UBE3B: variants seen among roughly 807,000 people sequenced by gnomAD.
UBE3B encodes ubiquitin-protein ligase E3B.
UBE3B carries 80 observed loss-of-function variants against 132.3 expected under a neutral mutation model. The ratio of observed to expected loss-of-function variants is 0.60; its 90% CI spans 0.50 to 0.73. The LOEUF is 0.73. Among genes scored for constraint, UBE3B ranks in the 30% least tolerant of loss-of-function variants. The probability of loss-of-function intolerance (pLI) is 0.00; values close to 1 mark genes in which losing one functional copy is unlikely to be tolerated. For synonymous variants in UBE3B, 487 were observed against 520.4 expected (o/e 0.94, Z 0.87); for missense variants, 1,196 against 1,362.5 (o/e 0.88, Z 1.92).
At chr12:109,479,010 C>G (rs577175530) in intron 1 of UBE3B, among the ~76,000 whole-genome samples, 206 of 152,264 alleles carry the variant, frequency 1.4e-3, no homozygotes, top group African/African-American at 4.8e-3. Flanking sequence ...AGTCTGAATC[C>G]TGCCTCTTAG....
Position 109,507,736 on chromosome 12 carries a change from G to T in UBE3B, c.1622+1G>T. 1.9e-6 allele frequency: 3 copies of T among 1,610,896 alleles called. No homozygotes were observed. Among genetic ancestry groups the T allele is most frequent in the Non-Finnish European group, 2.5e-6 (3 of 1,178,322 alleles). ...GTGACTGTTCGCGGCACCTCATCAC[G>T]TAGGTTGACTGCTGTGGGACTGAAT... is the stretch of plus-strand genomic sequence containing the variant. On this transcript the variant is annotated splice_donor_variant, in intron 15 of 27. Coordinates refer to ENST00000342494, the MANE Select transcript of UBE3B (RefSeq NM_130466.4). LOFTEE classifies it high-confidence loss of function.
At position 109,486,442 on chromosome 12, in the gene UBE3B, C is replaced by T. The variant is rs759993199; in HGVS notation, c.343-29C>T. 4 of 1,543,624 alleles carry T rather than the reference C, an allele frequency of 2.6e-6. No homozygotes were observed. The African/African-American group carries it at 5.5e-5, about 21-fold the overall frequency. On this transcript the variant is annotated intron_variant, in intron 5 of 27. Coordinates refer to ENST00000342494, the MANE Select transcript of UBE3B (RefSeq NM_130466.4). ...AAGTGATATGATCTCTATAACAGCC[C>T]ATGACATTCCTCTTTTTCCCACCTA...
At chr12:109,497,334 G>A (rs544512298) in intron 9 of UBE3B, among the ~76,000 whole-genome samples, 55 of 151,704 alleles carry the variant, frequency 3.6e-4, no homozygotes, top group African/African-American at 1.3e-3. Context: ...TACACTACAT[G>A]TGTATATATT....
chr12:109,490,069 A>T (rs1566078327), intron 8 of UBE3B, 65 bp downstream of exon 8: 5 of 1,490,142 alleles, frequency 3.4e-6, no homozygotes, highest in Non-Finnish European at 4.7e-6. Flanking sequence ...TTGGATTTTT[A>T]CATTTGCATT....
At chr12:109,510,484 C>G (rs201300822) in intron 17 of UBE3B, 26 bp downstream of exon 17, 162 of 1,578,516 alleles carry the variant, frequency 1.0e-4, no homozygotes, top group Non-Finnish European at 1.7e-5. Context: ...GAGGAGGGCT[C>G]CATGGAAGCC....
intron 9 of UBE3B, among the ~76,000 whole-genome samples, chr12:109,497,240 C>A (rs573364796): frequency 6.6e-6 from 1 of 151,900 alleles, no homozygotes; most frequent in African/African-American, 2.4e-5. Flanking sequence ...TGTCCTCAAT[C>A]TTTTAAAAAT....
intron 24 of UBE3B, among the ~76,000 whole-genome samples, chr12:109,527,516 C>T (rs1225214136): frequency 6.6e-6 from 1 of 152,254 alleles, no homozygotes; most frequent in Non-Finnish European, 1.5e-5. Flanking sequence ...TCCCAAGCAT[C>T]ATGTTCCTCT....
At chr12:109,495,347 T>C (rs1328751855) in intron 9 of UBE3B, among the ~76,000 whole-genome samples, 1 of 152,238 alleles carries the variant, frequency 6.6e-6, no homozygotes, top group Non-Finnish European at 1.5e-5. Flanking sequence ...TCATACCTTT[T>C]TTTCTGCATG....
chr12:109,543,378 G>GT, the UBE3B span, among the ~76,000 whole-genome samples: 2 of 103,560 alleles, frequency 1.9e-5, no homozygotes, highest in South Asian at 2.5e-4. Flanking sequence ...CACGGGGTCA[G>GT]CGGCTGGTAA....
At chr12:109,492,766 G>C (rs1877660915) in intron 9 of UBE3B, 1 of 150,486 alleles carries the variant, frequency 6.6e-6, no homozygotes, top group Non-Finnish European at 1.5e-5. Context: ...CAAAATAAAA[G>C]GGAAATTTAG....
At chr12:109,506,336 G>GTTTTGTTTTTGT (rs60352001) in intron 14 of UBE3B, among the ~76,000 whole-genome samples, 6 of 152,118 alleles carry the variant, frequency 3.9e-5, no homozygotes, top group Admixed American at 6.6e-5. Context: ...ACCCAAATCT[G>GTTTTGTTTTTGT]TTTTGTTTTT....
Position 109,533,901 on chromosome 12 carries a change from C to T in UBE3B, c.3015+343C>T, listed in dbSNP as rs868042183. 11 of 1,334,142 alleles carry T rather than the reference C, an allele frequency of 8.2e-6. No individual in the cohort carries two copies. In the Middle Eastern group the frequency reaches 8.0e-4, roughly 97 times the overall value. The allele number at this position is 1,334,142 out of a possible 1,614,324, so 82.6% of individuals were successfully genotyped here. On this transcript the variant is annotated intron_variant, in intron 27 of 27. Transcript: ENST00000342494. ...ATGGGAGAAAGTGAGAGAGTGGGCT[C>T]AGGAGGCAGGCAGGCGCAGACTCGA...
chr12:109,534,731 C>G lies in UBE3B; in HGVS notation c.3156C>G (p.Arg1052=), dbSNP rs61999293. The G allele has an allele frequency of 6.3e-7, 1 of 1,599,104 alleles. No homozygotes were observed. The highest frequency in any genetic ancestry group is 1.7e-5 in the Admixed American group (1 of 58,370). Residue 1052 remains arginine (R), a synonymous_variant, in exon 28 of 28, where the codon CGC becomes CGG. Transcript: ENST00000342494. The surrounding 1 kb of genome is among the most constrained non-coding windows in gnomAD (Gnocchi z 5.2). ...LPNYSKKSVL[R]EKLRYAISMN... ...ACTACAGCAAGAAGAGCGTCCTCCG[C>G]GAGAAGCTGCGCTACGCCATCAGCA...
At chr12:109,518,963 T>C (rs1052574106) in intron 19 of UBE3B, among the ~76,000 whole-genome samples, 2 of 152,198 alleles carry the variant, frequency 1.3e-5, no homozygotes, top group African/African-American at 4.8e-5. Context: ...TAAGCTGATC[T>C]CAGACTCATG....
At chr12:109,516,051 G>T (rs1255281472) in intron 18 of UBE3B, among the ~76,000 whole-genome samples, 2 of 151,538 alleles carry the variant, frequency 1.3e-5, no homozygotes, top group East Asian at 3.9e-4. Flanking sequence ...TCATAATATT[G>T]ATTTCCCTTA....
chr12:109,539,694 C>T (rs1883569322), downstream of UBE3B, among the ~76,000 whole-genome samples: 1 of 152,180 alleles, frequency 6.6e-6, no homozygotes, highest in Admixed American at 6.5e-5. Context: ...AATTGACATT[C>T]CTTCTGGAGT....
intron 9 of UBE3B, 65 bp downstream of exon 9, chr12:109,491,192 T>G (rs1035511862): frequency 6.7e-7 from 1 of 1,500,698 alleles, no homozygotes; most frequent in African/African-American, 1.4e-5. Context: ...TTGGTTTTTC[T>G]TTCTCTCGTT....
chr12:109,534,931 A>G lies in UBE3B; in HGVS notation c.*149A>G, dbSNP rs1883306890. On this transcript the variant is annotated 3_prime_UTR_variant, in exon 28 of 28. Coordinates refer to ENST00000342494, the MANE Select transcript of UBE3B (RefSeq NM_130466.4). The surrounding 1 kb of genome is among the most constrained non-coding windows in gnomAD (Gnocchi z 5.2). ...AGCCATGAGACTCCTTGTGGCCTCA[A>G]GAAATTTAGACGCCCACGACAGCAC... 1 of 565,626 alleles carries G rather than the reference A, an allele frequency of 1.8e-6. No individual in the cohort carries two copies. Among genetic ancestry groups the G allele is most frequent in the African/African-American group, 2.0e-5 (1 of 51,112 alleles). The allele number at this position is 565,626 out of a possible 1,614,324, so 35.0% of individuals were successfully genotyped here. A position where few individuals can be genotyped will look rare whatever the true frequency, so the allele number is the denominator to read the frequency against.
rs1045255 is a variant in UBE3B at position 109,536,174 on chromosome 12, G to C, written c.*1392G>C. 0.57 allele frequency: 86,270 copies of C among 152,186 alleles called. 25,477 individuals are homozygous for C. The highest frequency in any genetic ancestry group is 0.72 in the African/African-American group (30,053 of 41,526). 9.4% of individuals were successfully genotyped at this position (152,186 alleles called of 1,614,324 possible). Reference sequence around the variant, plus strand: ...GTCGAGCCCCCAGGCTTCTGGAAAAGAGTGTGTGCTCTACTTTGATGGAAA... The same window carrying C: ...GTCGAGCCCCCAGGCTTCTGGAAAACAGTGTGTGCTCTACTTTGATGGAAA... On this transcript the variant is annotated 3_prime_UTR_variant, in exon 28 of 28. Coordinates refer to ENST00000342494, the MANE Select transcript of UBE3B (RefSeq NM_130466.4).
Sources: gnomAD v4.1 joint callset for allele counts (sites outside exome capture counted in the v4.1 genomes callset) on GRCh38, gnomAD v4.1.1 for gene constraint, Gnocchi (gnomAD v3.1) non-coding constraint, MANE v1.5 for transcripts, NCBI Gene and HGNC (gene_info 2026-07-23, HGNC 2026-07-21) for gene names.